Variants in NUDT13 observed in about 807,000 individuals in gnomAD.
NUDT13 encodes the protein nudix hydrolase 13, also known as NAD(P)H pyrophosphatase NUDT13, mitochondrial.
In NUDT13, 40 loss-of-function variants were observed where a neutral mutation model predicts 41.7. The observed-to-expected ratio is 0.96, with a 90% CI of 0.75 to 1.25. The LOEUF (loss-of-function observed/expected upper bound fraction) is 1.25. Among genes scored for constraint, NUDT13 ranks in the 50% most tolerant of loss-of-function variants. The pLI, the probability that NUDT13 is intolerant of heterozygous loss-of-function variation, is 0.00. For missense variants in NUDT13, 390 were observed against 416.1 expected, an observed-to-expected ratio of 0.94 and a Z score of 0.55; for synonymous variants, 145 against 155.5, an observed-to-expected ratio of 0.93 and a Z score of 0.50.
Position 73,126,758 on chromosome 10 carries a change from G to C in NUDT13, c.789G>C (p.Gln263His). Residue 263 changes from glutamine (Q) to histidine (H), a missense_variant, in exon 8 of 9, where the codon CAG becomes CAC. Coordinates refer to ENST00000357321, the MANE Select transcript of NUDT13 (RefSeq NM_015901.6). ...AAAGCCTGCAGTACTATGCATCCCA[G>C]CATTGGCCCTTCCCTAGTGGCTCAC... ...EVESLQYYASQHWPFPSGSLM... is the reference protein window; with the variant it reads ...EVESLQYYASHHWPFPSGSLM... 6.2e-7 allele frequency: 1 copy of C among 1,614,134 alleles called. No homozygotes were observed. Among genetic ancestry groups the C allele is most frequent in the Non-Finnish European group, 8.5e-7 (1 of 1,180,008 alleles).
intron 4 of NUDT13, 152 bp from the exon 5 acceptor site, chr10:73,124,062 G>A (rs1842713229): frequency 8.3e-6 from 5 of 604,546 alleles, no homozygotes; most frequent in Non-Finnish European, 1.5e-5. Context: ...TCAGTCTCCT[G>A]AGTAGCTGGG....
intron 2 of NUDT13, among the ~76,000 whole-genome samples, chr10:73,117,010 T>C (rs945247323): frequency 1.4e-5 from 2 of 145,966 alleles, no homozygotes; most frequent in Middle Eastern, 4.0e-3. Flanking sequence ...CTCAGCCTCC[T>C]GAGTAGCTGG....
At chr10:73,130,392 G>A in intron 8 of NUDT13, 1 of 153,438 alleles carries the variant, frequency 6.5e-6, no homozygotes, top group Non-Finnish European at 1.4e-5. Flanking sequence ...GAACCTGGGA[G>A]GTGGAGCTTG....
At chr10:73,118,600 A>T (rs908878240) in intron 2 of NUDT13, among the ~76,000 whole-genome samples, 4 of 152,186 alleles carry the variant, frequency 2.6e-5, no homozygotes, top group African/African-American at 9.6e-5. Context: ...AAAGCCTGGT[A>T]CTTACCCCAT....
In NUDT13 at chr10:73,117,087, G is replaced by A. The variant is rs1589654866; in HGVS notation, c.83+2639G>A. Among the ~76,000 whole-genome samples the A allele has an allele frequency of 2.7e-5, 4 of 150,330 alleles. No homozygotes were observed. In the Middle Eastern group the frequency reaches 0.014, roughly 515 times the overall value. ...TTTAGTTGATATGGGGTTTCACCATGTTGGCCAGGATGGTCTGGATCTCTT... is the reference window on the plus strand; with the variant it reads ...TTTAGTTGATATGGGGTTTCACCATATTGGCCAGGATGGTCTGGATCTCTT... On this transcript the variant is annotated intron_variant, in intron 2 of 8. Transcript: ENST00000357321.
rs769750242 is a variant in NUDT13 at position 73,130,925 on chromosome 10, C to A, written c.*22C>A. On this transcript the variant is annotated 3_prime_UTR_variant, in exon 9 of 9. Coordinates refer to ENST00000357321, the MANE Select transcript of NUDT13 (RefSeq NM_015901.6). ...TTAGCCCGGATCAAGTCACTTAGAT[C>A]GCTCCTTGGTATTCCTGAGGGACAA... The A allele has an allele frequency of 4.4e-6, 7 of 1,595,274 alleles. No homozygotes were observed. The highest frequency in any genetic ancestry group is 6.0e-6 in the Non-Finnish European group (7 of 1,164,368).
Position 73,131,230 on chromosome 10 carries a change from G to T in NUDT13, c.*327G>T. Reference sequence around the variant, plus strand: ...TGGAAGCAAACATCTTCTGGCATATGGCTTGTTAATGTTGTGTTTACACTA... The same window carrying T: ...TGGAAGCAAACATCTTCTGGCATATTGCTTGTTAATGTTGTGTTTACACTA... On this transcript the variant is annotated 3_prime_UTR_variant, in exon 9 of 9. Transcript: ENST00000357321. The T allele has an allele frequency of 8.1e-6, 2 of 248,234 alleles. No individual in the cohort carries two copies. Among genetic ancestry groups the T allele is most frequent in the East Asian group, 8.0e-5 (1 of 12,436 alleles). 15.4% of individuals were successfully genotyped at this position (248,234 alleles called of 1,614,324 possible).
rs1362126488 is a variant in NUDT13 at position 73,120,111 on chromosome 10, T to A, written c.177T>A (p.Leu59=). The part of the protein sequence containing the change: ...FYLFHSLAPL[L]QTSAHQYLAP... ...TCTTTCATAGTCTGGCTCCTCTGCT[T>A]CAGACTTCAGCACATCAATACCTGG... The change falls in exon 3 of 9, where the codon CTT becomes CTA. Residue 59 remains leucine (L), a synonymous_variant. Transcript: ENST00000357321. The A allele has an allele frequency of 6.2e-7, 1 of 1,614,080 alleles. No individual in the cohort carries two copies. The highest frequency in any genetic ancestry group is 8.5e-7 in the Non-Finnish European group (1 of 1,180,040).
intron 1 of NUDT13, among the ~76,000 whole-genome samples, chr10:73,113,045 G>A (rs1011525053): frequency 1.3e-5 from 2 of 151,972 alleles, no homozygotes; most frequent in African/African-American, 2.4e-5. Flanking sequence ...GTGCCACCAC[G>A]CCCAGCTAAT....
At chr10:73,113,970 T>C (rs184541064) in intron 1 of NUDT13, among the ~76,000 whole-genome samples, 52 of 152,316 alleles carry the variant, frequency 3.4e-4, no homozygotes, top group Admixed American at 1.8e-3. Context: ...TACAGATTTT[T>C]TTTCTTTCCC....
intron 3 of NUDT13, among the ~76,000 whole-genome samples, chr10:73,121,676 T>C (rs772274122): frequency 1.4e-4 from 21 of 152,150 alleles, no homozygotes; most frequent in Admixed American, 3.9e-4. Context: ...CTCCCATCTC[T>C]GCCTCCCAAG....
At position 73,127,662 on chromosome 10, in the gene NUDT13, C is replaced by T. The variant is rs1842823469; in HGVS notation, c.858+835C>T. Among the ~76,000 whole-genome samples, 10 of 151,284 alleles carry T rather than the reference C, an allele frequency of 6.6e-5. No individual in the cohort carries two copies. The South Asian group carries it at 2.1e-3, about 32-fold the overall frequency. ...CCTTGAAATTATCAAACCGTCATCA[C>T]TATCAATGCCATAAACTTATTCATC... is the stretch of plus-strand genomic sequence containing the variant. On this transcript the variant is annotated intron_variant, in intron 8 of 8. Transcript: ENST00000357321.
At chr10:73,117,207 T>C (rs184409166) in intron 2 of NUDT13, among the ~76,000 whole-genome samples, 9 of 151,828 alleles carry the variant, frequency 5.9e-5, no homozygotes, top group South Asian at 2.1e-4. Flanking sequence ...AATTATTAAA[T>C]AGAGTCTAAA....
Position 73,114,416 on chromosome 10 carries a change from T to TA in NUDT13, c.52dup (p.Arg18LysfsTer9), listed in dbSNP as rs1842449150. 1 of 1,595,072 alleles carries TA rather than the reference T, an allele frequency of 6.3e-7. No individual in the cohort carries two copies. The highest frequency in any genetic ancestry group is 1.3e-5 in the African/African-American group (1 of 74,524). On this transcript the variant is annotated frameshift_variant, in exon 2 of 9. Coordinates refer to ENST00000357321, the MANE Select transcript of NUDT13 (RefSeq NM_015901.6). LOFTEE classifies it high-confidence loss of function. ...GCAGGAGAAAATTTTTTTGGTGCTA[T>TA]AGGCTGCTGTCAACCTATGTTACTA... is the stretch of plus-strand genomic sequence containing the variant.
rs781505226 is a variant in NUDT13 at position 73,130,696 on chromosome 10, C to T, written c.859-7C>T. On this transcript the variant is annotated splice_region_variant and splice_polypyrimidine_tract_variant and intron_variant, in intron 8 of 8. Transcript: ENST00000357321. ...CCTTACATCCTTTTCTTCCTTATGT[C>T]TTTCAGATCCAGGTGAACTTGAGAG... 6 of 1,612,296 alleles carry T rather than the reference C, an allele frequency of 3.7e-6. No homozygotes were observed. In the East Asian group the frequency reaches 1.1e-4, roughly 30 times the overall value.
At chr10:73,118,192 T>TAC (rs1237957867) in intron 2 of NUDT13, among the ~76,000 whole-genome samples, 2 of 152,242 alleles carry the variant, frequency 1.3e-5, no homozygotes. Flanking sequence ...CCCAGGAGGC[T>TAC]ACAGTGACTC....
chr10:73,128,015 A>G (rs1261721772), intron 8 of NUDT13, among the ~76,000 whole-genome samples: 1 of 152,114 alleles, frequency 6.6e-6, no homozygotes, highest in Non-Finnish European at 1.5e-5. Flanking sequence ...GATTCCACAT[A>G]TAAGTGAGAT....
rs757866207 is a variant in NUDT13 at position 73,125,144 on chromosome 10, T to C, written c.492T>C (p.Asp164=). 8 of 1,612,724 alleles carry C rather than the reference T, an allele frequency of 5.0e-6. No individual in the cohort carries two copies. In the East Asian group the frequency reaches 8.9e-5, roughly 18 times the overall value. The change falls in exon 6 of 9, where the codon GAT becomes GAC. Residue 164 remains aspartate, a synonymous_variant. Transcript: ENST00000357321. The part of the protein sequence containing the change: ...STAQALLRWH[D]AHQFCSRSGQ... Reference sequence around the variant, plus strand: ...CTCAAGCTCTTCTCCGCTGGCATGATGCTCATCAGTTCTGCAGCAGAAGTG... The same window carrying C: ...CTCAAGCTCTTCTCCGCTGGCATGACGCTCATCAGTTCTGCAGCAGAAGTG...
intron 4 of NUDT13, among the ~76,000 whole-genome samples, 170 bp from the exon 5 acceptor site, chr10:73,124,041 ATCC>A (rs10602463): frequency 0.047 from 7,106 of 152,126 alleles, 524 homozygotes; most frequent in African/African-American, 0.16. Context: ...GCCTCAAGCC[ATCC>A]TCCTGCCTCA....
Sources: gnomAD v4.1 joint callset for allele counts (sites outside exome capture counted in the v4.1 genomes callset) on GRCh38, gnomAD v4.1.1 for gene constraint, MANE v1.5 for transcripts, NCBI Gene and HGNC (gene_info 2026-07-23, HGNC 2026-07-21) for gene names.